The following LDB3 variants were observed in gnomAD, a reference collection of about 807,000 sequenced individuals.
LDB3 encodes the protein LIM domain binding 3, also known as LIM domain-binding protein 3.
LDB3 carries 49 observed loss-of-function variants against 69.0 expected under a neutral mutation model. The ratio of observed to expected loss-of-function variants is 0.71; its 90% CI spans 0.56 to 0.90. The LOEUF (loss-of-function observed/expected upper bound fraction) is 0.90, where lower values mean the gene tolerates loss of function less well. Ranked by LOEUF, LDB3 falls within the 40% of genes least tolerant of loss-of-function variation. The pLI is 0.00. For missense variants in LDB3, 928 were observed against 974.1 expected, an observed-to-expected ratio of 0.95 and a Z score of 0.63; for synonymous variants, 387 against 396.2, an observed-to-expected ratio of 0.98 and a Z score of 0.28.
At chr10:86,731,594 T>C (rs891154528) in intron 13 of LDB3, among the ~76,000 whole-genome samples, 2 of 152,316 alleles carry the variant, frequency 1.3e-5, no homozygotes, top group Admixed American at 6.5e-5. Flanking sequence ...CATCTTCCTA[T>C]TGAGAGAAAT....
intron 12 of LDB3, among the ~76,000 whole-genome samples, chr10:86,725,774 A>G (rs1847231627): frequency 6.6e-6 from 1 of 152,216 alleles, no homozygotes. Flanking sequence ...ATTCTTCCAA[A>G]CTAAGCATAG....
At position 86,691,937 on chromosome 10, in the gene LDB3, C is replaced by T. The variant is rs1165541122; in HGVS notation, c.731C>T (p.Pro244Leu). 1 of 1,614,184 alleles carries T rather than the reference C, an allele frequency of 6.2e-7. No homozygotes were observed. ...IKDLAVDSAS[P>L]VYQAVIKSQN... ...GACCTTGCCGTAGACAGCGCCTCTC[C>T]CGTCTACCAGGCTGTGATTAAGAGC... Residue 244 changes from proline (P) to leucine (L), a missense_variant, in exon 6 of 14, where the codon CCC (proline) becomes CTC (leucine). By Grantham distance (98) the Pro-to-Leu change is moderately conservative. Coordinates refer to ENST00000361373, the MANE Select transcript of LDB3 (RefSeq NM_007078.3).
chr10:86,711,385 C>G lies in LDB3; in HGVS notation c.1231+1335C>G, dbSNP rs535687609. Among the ~76,000 whole-genome samples, 4 of 152,176 alleles carry G rather than the reference C, an allele frequency of 2.6e-5. No homozygotes were observed. In the South Asian group the frequency reaches 8.3e-4, roughly 31 times the overall value. On this transcript the variant is annotated intron_variant, in intron 9 of 13. Coordinates refer to ENST00000361373, the MANE Select transcript of LDB3 (RefSeq NM_007078.3). ...GAGCCGCGGGCCCCCGCGCCGTTCCCAGGCCGCGCAGACATTAACTCATTC... is the reference window on the plus strand; with the variant it reads ...GAGCCGCGGGCCCCCGCGCCGTTCCGAGGCCGCGCAGACATTAACTCATTC...
intron 8 of LDB3, 51 bp from the exon 9 acceptor site, chr10:86,709,854 C>A (rs754969742): frequency 6.3e-7 from 1 of 1,597,662 alleles, no homozygotes; most frequent in South Asian, 1.1e-5. Flanking sequence ...TGACTGCAGG[C>A]CCCAGTGGGG....
intron 2 of LDB3, among the ~76,000 whole-genome samples, chr10:86,672,786 G>C (rs928999990): frequency 3.3e-5 from 5 of 152,354 alleles, no homozygotes; most frequent in East Asian, 3.9e-4. Flanking sequence ...GGCTGGCTGG[G>C]TCCTGGGGAA....
At chr10:86,676,250 AAGGTGG>A (rs1376323404) in intron 2 of LDB3, among the ~76,000 whole-genome samples, 1 of 152,168 alleles carries the variant, frequency 6.6e-6, no homozygotes, top group Non-Finnish European at 1.5e-5. Context: ...CTGTGGGCAC[AAGGTGG>A]CCAGTATTTT....
rs7090715 is a variant in LDB3, at chr10:86,717,767, G to A, written c.1677-197G>A. Among the ~76,000 whole-genome samples the A allele has an allele frequency of 0.015, 2,340 of 152,318 alleles. 60 individuals carry two copies. The highest frequency in any genetic ancestry group is 0.054 in the African/African-American group (2,229 of 41,560). On this transcript the variant is annotated intron_variant, in intron 10 of 13. Coordinates refer to ENST00000361373, the MANE Select transcript of LDB3 (RefSeq NM_007078.3). ...TTGGTAGATGTTTGAGTTGCTTCCT[G>A]ATTTTCTTTATTGTAAGTGATGCAA... is the stretch of plus-strand genomic sequence containing the variant.
At chr10:86,695,858 G>T (rs1056947848) in intron 7 of LDB3, among the ~76,000 whole-genome samples, 6 of 152,200 alleles carry the variant, frequency 3.9e-5, no homozygotes, top group Admixed American at 6.5e-5. Flanking sequence ...ACTGCTGGGG[G>T]GAACTATCCA....
intron 13 of LDB3, among the ~76,000 whole-genome samples, chr10:86,728,591 T>TTTTTTTGTTTTTTTG (rs1554868952): frequency 6.7e-6 from 1 of 148,220 alleles, no homozygotes; most frequent in Non-Finnish European, 1.5e-5. Flanking sequence ...CTTTTGTTTT[T>TTTTTTTGTTTTTTTG]TTTTTTTTTT....
chr10:86,691,810 C>T (rs1845774388), intron 5 of LDB3, 86 bp from the exon 6 acceptor site: 1 of 1,462,656 alleles, frequency 6.8e-7, no homozygotes, highest in East Asian at 2.3e-5. Flanking sequence ...CGATAGGGGC[C>T]ACCAATGGGC....
chr10:86,717,889 G>C (rs1846933410), intron 10 of LDB3, 75 bp from the exon 11 acceptor site: 1 of 1,357,038 alleles, frequency 7.4e-7, no homozygotes, highest in Admixed American at 1.8e-5. Flanking sequence ...AGTATAAACA[G>C]TGTTGGGGTT....
At chr10:86,681,411 C>T in intron 4 of LDB3, 25 bp from the exon 5 acceptor site, 1 of 1,599,214 alleles carries the variant, frequency 6.3e-7, no homozygotes, top group Non-Finnish European at 8.5e-7. Context: ...CTTCTCTCTC[C>T]CCTGCATGGC....
chr10:86,692,433 G>T (rs45471403), intron 6 of LDB3, 102 bp from the exon 7 acceptor site: 1 of 1,190,972 alleles, frequency 8.4e-7, no homozygotes, highest in South Asian at 1.2e-5. Context: ...GTCACCGTGT[G>T]GGGCCTGGCT....
At chr10:86,704,452 G>T (rs1393652495) in intron 7 of LDB3, among the ~76,000 whole-genome samples, 1 of 150,858 alleles carries the variant, frequency 6.6e-6, no homozygotes, top group Admixed American at 6.6e-5. Flanking sequence ...TTTCGCTCTT[G>T]TTGCCCAGGC....
At chr10:86,720,272 C>G (rs1370366626) in intron 12 of LDB3, among the ~76,000 whole-genome samples, 1 of 152,074 alleles carries the variant, frequency 6.6e-6, no homozygotes, top group East Asian at 1.9e-4. Flanking sequence ...TGGTGAAACC[C>G]CATCTCTACA....
intron 2 of LDB3, among the ~76,000 whole-genome samples, chr10:86,670,610 T>TGGCA (rs1227852641): frequency 6.6e-6 from 1 of 152,172 alleles, no homozygotes. Flanking sequence ...GGGGCTTAAA[T>TGGCA]GGCAGCCCAG....
chr10:86,718,786 C>T lies in LDB3; in HGVS notation c.1917C>T (p.Cys639=), dbSNP rs1190390565. 3 of 1,614,060 alleles carry T rather than the reference C, an allele frequency of 1.9e-6. No individual in the cohort carries two copies. Among genetic ancestry groups the T allele is most frequent in the Non-Finnish European group, 2.5e-6 (3 of 1,180,024 alleles). Residue 639 remains cysteine (C), a synonymous_variant, in exon 12 of 14, where the codon TGC becomes TGT. Transcript: ENST00000361373. The part of the protein sequence containing the change: ...WHTTCFVCAA[C]KKPFGNSLFH... Reference sequence around the variant, plus strand: ...CCACCTGCTTCGTCTGTGCGGCCTGCAAGAAGCCTTTTGGGAACAGCCTCT... The same window carrying T: ...CCACCTGCTTCGTCTGTGCGGCCTGTAAGAAGCCTTTTGGGAACAGCCTCT...
chr10:86,683,317 C>T (rs934502646), intron 5 of LDB3, among the ~76,000 whole-genome samples: 1 of 152,254 alleles, frequency 6.6e-6, no homozygotes, highest in African/African-American at 2.4e-5. Context: ...ACTCTCTCTG[C>T]AACTCCAGAG....
At chr10:86,666,993 A>G (rs2132315942), upstream of LDB3, 14 of 388,514 alleles carry the variant, frequency 3.6e-5, no homozygotes, top group South Asian at 2.4e-4. Context: ...TTAGGGATGA[A>G]TGACATGGGG....
Sources: allele counts gnomAD v4.1 joint callset (sites outside exome capture counted in the v4.1 genomes callset), GRCh38; gene constraint gnomAD v4.1.1; transcripts MANE v1.5; gene names NCBI Gene and HGNC (gene_info 2026-07-23, HGNC 2026-07-21).